FAM135B: variants seen among roughly 807,000 people sequenced by gnomAD.
FAM135B encodes family with sequence similarity 135 member B.
FAM135B carries 43 observed loss-of-function variants against 127.7 expected under a neutral mutation model. The ratio of observed to expected loss-of-function variants is 0.34; its 90% CI spans 0.26 to 0.43. FAM135B has a LOEUF of 0.43. FAM135B is among the 20% of genes least tolerant of loss of function. FAM135B has a pLI of 1.00. For missense variants in FAM135B, 1,558 were observed against 1,725.6 expected, an observed-to-expected ratio of 0.90 and a Z score of 1.72; for synonymous variants, 670 against 665.1, an observed-to-expected ratio of 1.01 and a Z score of -0.11.
chr8:138,319,183 T>C (rs1359646871), intron 2 of FAM135B, among the ~76,000 whole-genome samples: 10 of 152,156 alleles, frequency 6.6e-5, no homozygotes, highest in Non-Finnish European at 8.8e-5. Flanking sequence ...CTTGGCTCAC[T>C]GCAACCTCTG....
At chr8:138,483,243 G>A (rs535107592) in intron 1 of FAM135B, among the ~76,000 whole-genome samples, 75 of 152,294 alleles carry the variant, frequency 4.9e-4, no homozygotes, top group Admixed American at 1.7e-3. Flanking sequence ...ATTTGAAGGA[G>A]GCACCATTTT....
At chr8:138,154,569 C>T (rs1818516930) in intron 12 of FAM135B, among the ~76,000 whole-genome samples, 1 of 152,038 alleles carries the variant, frequency 6.6e-6, no homozygotes, top group African/African-American at 2.4e-5. Flanking sequence ...AAATGGCTAA[C>T]TAGAATAAAC....
intron 19 of FAM135B, among the ~76,000 whole-genome samples, chr8:138,135,306 C>T (rs975098183): frequency 6.6e-6 from 1 of 152,114 alleles, no homozygotes; most frequent in African/African-American, 2.4e-5. Flanking sequence ...CACAAAGAAA[C>T]AGTTTGGCTG....
chr8:138,182,755 C>T (rs1439185067), intron 9 of FAM135B, among the ~76,000 whole-genome samples: 1 of 152,240 alleles, frequency 6.6e-6, no homozygotes, highest in Non-Finnish European at 1.5e-5. Context: ...GAGAAGCCTG[C>T]TTTACATTCC....
chr8:138,271,824 A>G (rs1211735928), intron 3 of FAM135B, among the ~76,000 whole-genome samples: 1 of 152,206 alleles, frequency 6.6e-6, no homozygotes, highest in African/African-American at 2.4e-5. Context: ...AAATTGCTCA[A>G]TTAAAGCTAG....
intron 2 of FAM135B, among the ~76,000 whole-genome samples, chr8:138,327,264 C>T (rs574155339): frequency 6.5e-4 from 99 of 152,286 alleles, no homozygotes; most frequent in Middle Eastern, 6.8e-3. Flanking sequence ...TGGTGATTTA[C>T]ATTCATTGTC....
chr8:138,133,849 G>A (rs1816400972), intron 19 of FAM135B, among the ~76,000 whole-genome samples: 1 of 152,086 alleles, frequency 6.6e-6, no homozygotes, highest in Non-Finnish European at 1.5e-5. Context: ...CCCCCATCAC[G>A]CATGGGGTAT....
rs1345475631 is a variant in FAM135B, at chr8:138,230,612, T to C, written c.669+12330A>G. Among the ~76,000 whole-genome samples the C allele has an allele frequency of 3.3e-5, 5 of 152,170 alleles. No individual in the cohort carries two copies. In the East Asian group the frequency reaches 7.7e-4, roughly 23 times the overall value. On this transcript the variant is annotated intron_variant, in intron 7 of 19. Coordinates refer to ENST00000395297, the MANE Select transcript of FAM135B (RefSeq NM_015912.4). ...CTGCTGGTTGGAATTCCTTGTTCCA[T>C]GCCCCTGGACTCACGTAAGCTGTGC...
At chr8:138,178,419 C>G in intron 10 of FAM135B, 116 bp downstream of exon 10, 1 of 1,213,910 alleles carries the variant, frequency 8.2e-7, no homozygotes, top group Non-Finnish European at 1.2e-6. Flanking sequence ...ATGGTAGAGA[C>G]ACGAAAGCAC....
chr8:138,152,641 G>C lies in FAM135B; in HGVS notation c.1834C>G (p.Leu612Val), dbSNP rs2130776781. Reference sequence around the variant, plus strand: ...TTTCCTAGAGTACTTAATTCATGGAGAGTTGTTTTGTCTGAAGAGATGGCA... The same window carrying C: ...TTTCCTAGAGTACTTAATTCATGGACAGTTGTTTTGTCTGAAGAGATGGCA... ...QNAISSDKTT[L>V]HELSTLGKGI... The change falls in exon 13 of 20, where the codon CTC (leucine) becomes GTC (valine). Residue 612 changes from leucine to valine, a missense_variant. Physicochemically the swap from Leu to Val is conservative, Grantham distance 32. This residue lies in a region of FAM135B where 923 missense variants were observed against 865.3 expected (regional missense o/e 1.07). Coordinates refer to ENST00000395297, the MANE Select transcript of FAM135B (RefSeq NM_015912.4). 6.2e-7 allele frequency: 1 copy of C among 1,614,164 alleles called. No individual in the cohort carries two copies. Among genetic ancestry groups the C allele is most frequent in the Admixed American group, 1.7e-5 (1 of 60,016 alleles).
At chr8:138,483,516 G>C (rs1457653544) in intron 1 of FAM135B, among the ~76,000 whole-genome samples, 1 of 152,226 alleles carries the variant, frequency 6.6e-6, no homozygotes, top group Non-Finnish European at 1.5e-5. Flanking sequence ...CCATGAGGAG[G>C]CTGCCCAGAT....
chr8:138,406,922 G>A (rs1231482060), intron 1 of FAM135B, among the ~76,000 whole-genome samples: 1 of 151,440 alleles, frequency 6.6e-6, no homozygotes, highest in African/African-American at 2.4e-5. Flanking sequence ...CAATTAGGCA[G>A]AAGGAAATAA....
In FAM135B at chr8:138,218,799, AGAGAGG is replaced by A. The variant is rs1396041584; in HGVS notation, c.670-21136_670-21131del. On this transcript the variant is annotated intron_variant, in intron 7 of 19. Transcript: ENST00000395297. ...GAGAGAGAGAGAGAGAGAGAGAGAG[AGAGAGG>A]GAGAGAAAGAGAGAGAGAGAGATTT... 9.5e-3 allele frequency among the ~76,000 whole-genome samples: 199 copies of A among 20,952 alleles called. 3 individuals carry two copies. The East Asian group carries it at 0.15, about 16-fold the overall frequency. The allele number at this position is 20,952 out of a possible 152,430, so 13.7% of individuals were successfully genotyped here.
chr8:138,451,595 G>A (rs1179435214), intron 1 of FAM135B, among the ~76,000 whole-genome samples: 1 of 152,150 alleles, frequency 6.6e-6, no homozygotes, highest in Non-Finnish European at 1.5e-5. Context: ...GGAATCAAAT[G>A]AACATAGAGG....
chr8:138,411,638 G>T (rs1317526614), intron 1 of FAM135B, among the ~76,000 whole-genome samples: 1 of 152,086 alleles, frequency 6.6e-6, no homozygotes, highest in African/African-American at 2.4e-5. Context: ...TGACAAATGG[G>T]ATCTAATTAA....
rs761450575 is a variant in FAM135B, at chr8:138,197,553, G to A, written c.786C>T (p.Ile262=). 66 of 1,614,146 alleles carry A rather than the reference G, an allele frequency of 4.1e-5. No individual in the cohort carries two copies. The highest frequency in any genetic ancestry group is 5.3e-5 in the Non-Finnish European group (63 of 1,180,036). Residue 262 remains isoleucine, a synonymous_variant, in exon 8 of 20, where the codon ATC becomes ATT. Coordinates refer to ENST00000395297, the MANE Select transcript of FAM135B (RefSeq NM_015912.4). ...GTGGCAGCTCTGGGATGTCCCGCAT[G>A]ATCACCAGGAAGTGGAGACGGAGAC... The part of the protein sequence containing the change: ...YRGLRLHFLV[I]MRDIPELPHT...
intron 2 of FAM135B, among the ~76,000 whole-genome samples, chr8:138,316,591 T>G (rs1827111996): frequency 6.6e-6 from 1 of 152,204 alleles, no homozygotes. Context: ...CACCAGATAC[T>G]GGCAATTATG....
intron 3 of FAM135B, among the ~76,000 whole-genome samples, chr8:138,282,551 A>AGGAAT (rs1200413347): frequency 3.9e-5 from 6 of 152,368 alleles, no homozygotes; most frequent in African/African-American, 1.4e-4. Context: ...AAGAAGATAC[A>AGGAAT]GGAATGGCAA....
At chr8:138,329,604 C>A (rs1486995851) in intron 2 of FAM135B, among the ~76,000 whole-genome samples, 4 of 152,108 alleles carry the variant, frequency 2.6e-5, no homozygotes, top group African/African-American at 9.7e-5. Flanking sequence ...ATCACACATG[C>A]AGCAAATTGT....
Sources: gnomAD v4.1 joint callset for allele counts (sites outside exome capture counted in the v4.1 genomes callset) on GRCh38, gnomAD v4.1.1 for gene constraint, gnomAD v4.1.1 regional missense constraint, MANE v1.5 for transcripts, NCBI Gene and HGNC (gene_info 2026-07-23, HGNC 2026-07-21) for gene names.